Variants in PLCL1 observed in about 807,000 individuals in gnomAD.
The protein encoded by PLCL1 is inactive phospholipase C-like protein 1.
In PLCL1, 41 loss-of-function variants were observed where a neutral mutation model predicts 84.4. That is an observed-to-expected ratio of 0.49 (90% CI 0.38 to 0.63). PLCL1 has a LOEUF of 0.63. Ranked by LOEUF, PLCL1 falls within the 30% of genes least tolerant of loss-of-function variation. The pLI, the probability that PLCL1 is intolerant of heterozygous loss-of-function variation, is 0.00. For synonymous variants in PLCL1, 490 were observed against 488.3 expected (o/e 1.00, Z -0.05); for missense variants, 1,206 against 1,367.8 (o/e 0.88, Z 1.87).
At chr2:197,932,630 T>C (rs527759861) in intron 1 of PLCL1, among the ~76,000 whole-genome samples, 1 of 152,338 alleles carries the variant, frequency 6.6e-6, no homozygotes, top group South Asian at 2.1e-4. Flanking sequence ...TCTGGTTTTC[T>C]GTTCCTGCTA....
chr2:198,138,750 A>T (rs1275587029), intron 5 of PLCL1, among the ~76,000 whole-genome samples: 1 of 152,190 alleles, frequency 6.6e-6, no homozygotes, highest in East Asian at 1.9e-4. Context: ...TTTTAACCTG[A>T]TACCTTATTT....
intron 1 of PLCL1, among the ~76,000 whole-genome samples, chr2:197,890,483 A>G (rs1000744103): frequency 6.6e-6 from 1 of 152,082 alleles, no homozygotes; most frequent in Non-Finnish European, 1.5e-5. Flanking sequence ...TTTATTCCCT[A>G]AGCATTTAAA....
intron 1 of PLCL1, among the ~76,000 whole-genome samples, chr2:198,055,977 T>C (rs993449343): frequency 2.0e-5 from 3 of 152,142 alleles, no homozygotes; most frequent in African/African-American, 7.2e-5. Flanking sequence ...AGGTTCCAAG[T>C]AGGAAAGAAA....
intron 1 of PLCL1, among the ~76,000 whole-genome samples, chr2:197,916,704 G>T (rs572660231): frequency 1.3e-5 from 2 of 151,726 alleles, no homozygotes; most frequent in South Asian, 4.2e-4. Context: ...CCAAAAATAA[G>T]AGTGAAGGGA....
rs1394311732 is a variant in PLCL1 at position 197,975,062 on chromosome 2, A to G, written c.241-108696A>G. On this transcript the variant is annotated intron_variant, in intron 1 of 5. Transcript: ENST00000428675. ...AGGCTGAGGCAGGAGAATGGCGTGA[A>G]CCCGGGAAGCGGAGCTTGCAGTGAG... 2.0e-5 allele frequency among the ~76,000 whole-genome samples: 3 copies of G among 146,790 alleles called. No homozygotes were observed. The East Asian group carries it at 6.2e-4, about 31-fold the overall frequency.
chr2:198,041,247 C>A (rs567684601), intron 1 of PLCL1, among the ~76,000 whole-genome samples: 1 of 152,320 alleles, frequency 6.6e-6, no homozygotes, highest in South Asian at 2.1e-4. Context: ...CTTAGCTCTG[C>A]TGCTCTTTTT....
chr2:197,993,047 G>T (rs190216725), intron 1 of PLCL1, among the ~76,000 whole-genome samples: 1 of 152,272 alleles, frequency 6.6e-6, no homozygotes, highest in Non-Finnish European at 1.5e-5. Context: ...TTGCTGGATT[G>T]TATGACAATT....
At chr2:197,930,922 T>G (rs866376741) in intron 1 of PLCL1, among the ~76,000 whole-genome samples, 2 of 152,212 alleles carry the variant, frequency 1.3e-5, no homozygotes, top group Admixed American at 6.5e-5. Flanking sequence ...AAAGATAGGC[T>G]GCTAAAAGTG....
chr2:197,847,236 G>A (rs1307715089), intron 1 of PLCL1, among the ~76,000 whole-genome samples: 2 of 152,008 alleles, frequency 1.3e-5, no homozygotes, highest in African/African-American at 2.4e-5. Flanking sequence ...CAACCTTCAA[G>A]TTAGCTTATT....
chr2:197,970,097 A>G (rs1689830133), intron 1 of PLCL1, among the ~76,000 whole-genome samples: 1 of 152,202 alleles, frequency 6.6e-6, no homozygotes. Context: ...CTGTAACGGA[A>G]TACTCAAGAC....
At chr2:197,976,978 C>G (rs1010330191) in intron 1 of PLCL1, among the ~76,000 whole-genome samples, 35 of 152,330 alleles carry the variant, frequency 2.3e-4, no homozygotes, top group African/African-American at 6.3e-4. Flanking sequence ...ACCTGCCTCT[C>G]TACTCATGTG....
intron 1 of PLCL1, among the ~76,000 whole-genome samples, chr2:197,958,976 G>A (rs1689551308): frequency 6.6e-6 from 1 of 151,828 alleles, no homozygotes; most frequent in Non-Finnish European, 1.5e-5. Context: ...ATCATCTTGG[G>A]GAGCTGCCAA....
At chr2:197,836,848 C>A (rs987551177) in intron 1 of PLCL1, among the ~76,000 whole-genome samples, 4 of 152,030 alleles carry the variant, frequency 2.6e-5, no homozygotes, top group African/African-American at 9.7e-5. Context: ...CACAGTCTAC[C>A]ACAGATAGCT....
At chr2:198,013,457 C>T (rs950372783) in intron 1 of PLCL1, among the ~76,000 whole-genome samples, 3 of 152,064 alleles carry the variant, frequency 2.0e-5, no homozygotes, top group Non-Finnish European at 4.4e-5. Context: ...CATTAATTGA[C>T]TTTTGGGGTT....
At chr2:198,039,179 C>T (rs527562892) in intron 1 of PLCL1, among the ~76,000 whole-genome samples, 1 of 152,218 alleles carries the variant, frequency 6.6e-6, no homozygotes, top group South Asian at 2.1e-4. Flanking sequence ...GTCAAAGTGA[C>T]ATAGTTTCTC....
chr2:197,877,497 G>A (rs1029932655), intron 1 of PLCL1, among the ~76,000 whole-genome samples: 1 of 152,012 alleles, frequency 6.6e-6, no homozygotes, highest in Non-Finnish European at 1.5e-5. Context: ...CCACTTTTCC[G>A]CATCATCTTA....
intron 5 of PLCL1, among the ~76,000 whole-genome samples, chr2:198,135,716 C>A (rs1166343940): frequency 6.6e-6 from 1 of 152,144 alleles, no homozygotes; most frequent in Non-Finnish European, 1.5e-5. Context: ...AACAGAGCAC[C>A]CCCGTAGGAA....
Position 197,893,672 on chromosome 2 carries a change from A to G in PLCL1, c.240+88333A>G, listed in dbSNP as rs759655468. On this transcript the variant is annotated intron_variant, in intron 1 of 5. Transcript: ENST00000428675. ...CTGGAGTCCGGTGTGTTTTCATCTC[A>G]GCATGCAAATTTAAACCCAAAGAAA... 5.2e-4 allele frequency among the ~76,000 whole-genome samples: 79 copies of G among 152,100 alleles called. 1 individual carries two copies. Among genetic ancestry groups the G allele is most frequent in the Non-Finnish European group, 8.2e-4 (56 of 67,992 alleles).
chr2:197,995,296 C>T (rs2105815831), intron 1 of PLCL1, among the ~76,000 whole-genome samples: 1 of 152,230 alleles, frequency 6.6e-6, no homozygotes, highest in Non-Finnish European at 1.5e-5. Context: ...CTCCTTTTCT[C>T]TTCTTCCACT....
Sources: gnomAD v4.1 joint callset for allele counts (sites outside exome capture counted in the v4.1 genomes callset) on GRCh38, gnomAD v4.1.1 for gene constraint, MANE v1.5 for transcripts, NCBI Gene and HGNC (gene_info 2026-07-23, HGNC 2026-07-21) for gene names.